Variants in DENND1A observed in about 807,000 individuals in gnomAD.
The protein encoded by DENND1A is DENN domain containing 1A, also known as DENN domain-containing protein 1A.
DENND1A carries 51 observed loss-of-function variants against 113.7 expected under a neutral mutation model. The observed-to-expected ratio is 0.45, with a 90% confidence interval of 0.36 to 0.57. DENND1A has a LOEUF of 0.57. Among genes scored for constraint, DENND1A ranks in the 20% least tolerant of loss-of-function variants. The pLI is 0.00. For synonymous variants in DENND1A, 565 were observed against 570.8 expected (o/e 0.99, Z 0.14); for missense variants, 1,258 against 1,395.9 (o/e 0.90, Z 1.57).
intron 18 of DENND1A, among the ~76,000 whole-genome samples, chr9:123,446,182 G>A (rs1246376240): frequency 1.3e-5 from 2 of 152,188 alleles, no homozygotes; most frequent in African/African-American, 2.4e-5. Context: ...CTCATGCTGC[G>A]GGTGTGAGAA....
chr9:123,414,863 A>T (rs1214251161), intron 19 of DENND1A, among the ~76,000 whole-genome samples: 1 of 152,014 alleles, frequency 6.6e-6, no homozygotes, highest in Non-Finnish European at 1.5e-5. Flanking sequence ...TTATCAGCTC[A>T]CTCACTTCTC....
chr9:123,502,250 T>G (rs1206602331), intron 13 of DENND1A, among the ~76,000 whole-genome samples: 1 of 150,108 alleles, frequency 6.7e-6, no homozygotes, highest in Non-Finnish European at 1.5e-5. Context: ...GCTCCATATA[T>G]CTATATCTAT....
chr9:123,721,773 T>C (rs1308858327), intron 5 of DENND1A, among the ~76,000 whole-genome samples: 1 of 152,174 alleles, frequency 6.6e-6, no homozygotes, highest in African/African-American at 2.4e-5. Context: ...CCTTCCACCA[T>C]GATTGTGAGG....
intron 1 of DENND1A, among the ~76,000 whole-genome samples, chr9:123,902,081 G>A (rs1851730001): frequency 6.6e-6 from 1 of 151,714 alleles, no homozygotes; most frequent in African/African-American, 2.4e-5. Context: ...CGGCCCTCAT[G>A]ACCTCTCTTC....
At chr9:123,510,473 C>T (rs1470516035) in intron 13 of DENND1A, among the ~76,000 whole-genome samples, 1 of 152,212 alleles carries the variant, frequency 6.6e-6, no homozygotes, top group African/African-American at 2.4e-5. Flanking sequence ...CATGTATGCA[C>T]CTGCCATTTT....
At chr9:123,916,197 C>T (rs574686834) in intron 1 of DENND1A, among the ~76,000 whole-genome samples, 28 of 152,126 alleles carry the variant, frequency 1.8e-4, no homozygotes, top group African/African-American at 6.0e-4. Flanking sequence ...AGTACTATTG[C>T]TGTCCTACAG....
chr9:123,443,317 G>C (rs1339005971), intron 18 of DENND1A, among the ~76,000 whole-genome samples: 2 of 152,214 alleles, frequency 1.3e-5, no homozygotes, highest in Non-Finnish European at 2.9e-5. Flanking sequence ...GCCATGCTTA[G>C]CACTATCTTA....
At chr9:123,521,870 C>T (rs1008342083) in intron 13 of DENND1A, among the ~76,000 whole-genome samples, 1 of 152,218 alleles carries the variant, frequency 6.6e-6, no homozygotes, top group Non-Finnish European at 1.5e-5. Context: ...CGACCTATCC[C>T]GACCCACTGC....
Position 123,571,949 on chromosome 9 carries a change from A to G in DENND1A, c.867+11220T>C, listed in dbSNP as rs968604714. On this transcript the variant is annotated intron_variant, in intron 12 of 23. Coordinates refer to ENST00000394215, the MANE Select transcript of DENND1A (RefSeq NM_001352964.2). ...GAAAGCTCCACATAAATGCTTCCAC[A>G]TCTTTGACAATACTTGGTGTTGCCA... Among the ~76,000 whole-genome samples, 12 of 152,348 alleles carry G rather than the reference A, an allele frequency of 7.9e-5. No individual in the cohort carries two copies. In the South Asian group the frequency reaches 1.2e-3, roughly 16 times the overall value.
intron 13 of DENND1A, among the ~76,000 whole-genome samples, chr9:123,542,454 C>T (rs568490639): frequency 3.3e-5 from 5 of 152,220 alleles, no homozygotes; most frequent in South Asian, 2.1e-4. Context: ...TGAGGGGGAG[C>T]GATCACCAAA....
chr9:123,788,473 T>C (rs1226020312), intron 3 of DENND1A, among the ~76,000 whole-genome samples: 2 of 152,174 alleles, frequency 1.3e-5, no homozygotes, highest in Non-Finnish European at 2.9e-5. Flanking sequence ...TTAGTATTCA[T>C]TAAAACTGAA....
intron 13 of DENND1A, among the ~76,000 whole-genome samples, chr9:123,532,934 T>C (rs990961222): frequency 7.9e-5 from 12 of 152,304 alleles, no homozygotes; most frequent in Admixed American, 2.0e-4. Context: ...AGAAGCTGCA[T>C]CTTAAACCTG....
At chr9:123,541,035 C>T (rs1449856962) in intron 13 of DENND1A, among the ~76,000 whole-genome samples, 5 of 152,186 alleles carry the variant, frequency 3.3e-5, no homozygotes, top group African/African-American at 1.2e-4. Flanking sequence ...ACACTTATTA[C>T]CATCAGACAT....
At chr9:123,633,290 C>A (rs2061560325) in intron 9 of DENND1A, among the ~76,000 whole-genome samples, 1 of 152,194 alleles carries the variant, frequency 6.6e-6, no homozygotes, top group Non-Finnish European at 1.5e-5. Flanking sequence ...CCTGTCCTCA[C>A]CTCCATGTTC....
Position 123,920,752 on chromosome 9 carries a change from T to C in DENND1A, c.17+9137A>G, listed in dbSNP as rs895190023. 7.1e-4 allele frequency among the ~76,000 whole-genome samples: 107 copies of C among 151,668 alleles called. 1 individual carries two copies. Among genetic ancestry groups the C allele is most frequent in the Admixed American group, 2.3e-3 (35 of 15,240 alleles). On this transcript the variant is annotated intron_variant, in intron 1 of 23. Coordinates refer to ENST00000394215, the MANE Select transcript of DENND1A (RefSeq NM_001352964.2). ...TTTTTGTAATTTTTTTTTTTTTTTT[T>C]AGTAGAGATGGGGTTTTGCCATGTT...
intron 8 of DENND1A, among the ~76,000 whole-genome samples, chr9:123,652,912 A>C (rs1051335745): frequency 6.6e-6 from 1 of 152,126 alleles, no homozygotes; most frequent in Non-Finnish European, 1.5e-5. Flanking sequence ...AAAAAAATGG[A>C]ATGTGTTTCA....
intron 5 of DENND1A, among the ~76,000 whole-genome samples, chr9:123,747,967 TA>T (rs201410446): frequency 7.4e-5 from 11 of 148,108 alleles, no homozygotes; most frequent in East Asian, 3.9e-4. Flanking sequence ...CATGTTAAGA[TA>T]AAAAAAAAAG....
chr9:123,519,347 G>A (rs2054199548), intron 13 of DENND1A, among the ~76,000 whole-genome samples: 1 of 152,114 alleles, frequency 6.6e-6, no homozygotes, highest in Admixed American at 6.5e-5. Context: ...TAGCCTAACA[G>A]AACCCCCAAT....
chr9:123,731,684 C>A (rs1419287991), intron 5 of DENND1A, among the ~76,000 whole-genome samples: 1 of 152,058 alleles, frequency 6.6e-6, no homozygotes, highest in African/African-American at 2.4e-5. Flanking sequence ...AGATATGACA[C>A]CAAAAACATG....
Sources: allele counts gnomAD v4.1 joint callset (sites outside exome capture counted in the v4.1 genomes callset), GRCh38; gene constraint gnomAD v4.1.1; transcripts MANE v1.5; gene names NCBI Gene and HGNC (gene_info 2026-07-23, HGNC 2026-07-21).